Variants in LHCGR observed in about 807,000 individuals in gnomAD.
LHCGR encodes the protein luteinizing hormone/choriogonadotropin receptor.
In LHCGR, 55 loss-of-function variants were observed where a neutral mutation model predicts 60.7. The observed-to-expected ratio is 0.91, with a 90% CI of 0.73 to 1.13. The LOEUF is 1.13. LHCGR is among the 50% of genes most tolerant of loss of function. The pLI is 0.00. For missense variants in LHCGR, 862 were observed against 836.0 expected (o/e 1.03, Z -0.38); for synonymous variants, 337 against 316.5 (o/e 1.06, Z -0.69).
At chr2:48,693,011 A>T (rs1666934398) in intron 10 of LHCGR, among the ~76,000 whole-genome samples, 1 of 152,096 alleles carries the variant, frequency 6.6e-6, no homozygotes, top group Non-Finnish European at 1.5e-5. Flanking sequence ...TATATTGAGG[A>T]TGGTTTAAAG....
At chr2:48,726,804 A>G (rs937742182) in intron 3 of LHCGR, among the ~76,000 whole-genome samples, 4 of 152,186 alleles carry the variant, frequency 2.6e-5, no homozygotes, top group Admixed American at 2.0e-4. Flanking sequence ...AGGAATAAAT[A>G]TATGTGTCTG....
intron 6 of LHCGR, among the ~76,000 whole-genome samples, chr2:48,716,664 A>G (rs10495957): frequency 0.36 from 55,171 of 152,084 alleles, 11,251 homozygotes; most frequent in Non-Finnish European, 0.47. Flanking sequence ...TTGTTTCCTT[A>G]GAAGCTCAAT....
At chr2:48,713,275 C>A (rs1415922483) in intron 7 of LHCGR, among the ~76,000 whole-genome samples, 1 of 152,134 alleles carries the variant, frequency 6.6e-6, no homozygotes, top group Non-Finnish European at 1.5e-5. Flanking sequence ...TCGAACTTTT[C>A]ATGTGCTCTT....
chr2:48,720,119 A>G (rs1157245289), intron 6 of LHCGR: 2 of 151,984 alleles, frequency 1.3e-5, no homozygotes, highest in African/African-American at 4.8e-5. Flanking sequence ...ACTGGCATGC[A>G]CTCTTTTTCT....
At chr2:48,715,846 G>A (rs1186974238) in intron 6 of LHCGR, among the ~76,000 whole-genome samples, 6 of 152,098 alleles carry the variant, frequency 3.9e-5, no homozygotes, top group South Asian at 2.1e-4. Context: ...AAGTCTCCTC[G>A]TTAGAGTCAG....
chr2:48,712,863 G>A (rs1347466033), intron 7 of LHCGR, among the ~76,000 whole-genome samples: 2 of 152,096 alleles, frequency 1.3e-5, no homozygotes, highest in East Asian at 3.9e-4. Flanking sequence ...GTTAAATAGT[G>A]GGACTGGAGT....
In LHCGR at chr2:48,749,293, A is replaced by G. The variant is rs1364002397; in HGVS notation, c.161+6218T>C. On this transcript the variant is annotated intron_variant, in intron 1 of 10. Transcript: ENST00000294954. ...GAGAAGCAGCTAGAAGCTGCCCACC[A>G]AGTCAGAAAGCCCACCTGCCTGGTG... Among the ~76,000 whole-genome samples the G allele has an allele frequency of 5.3e-5, 8 of 152,322 alleles. No homozygotes were observed. In the East Asian group the frequency reaches 1.5e-3, roughly 29 times the overall value.
intron 3 of LHCGR, among the ~76,000 whole-genome samples, chr2:48,727,873 C>T (rs991086533): frequency 2.0e-5 from 3 of 152,190 alleles, no homozygotes; most frequent in Non-Finnish European, 4.4e-5. Flanking sequence ...TAATTATTCT[C>T]TTCAGGTAAT....
chr2:48,700,142 C>G (rs1461437282), intron 8 of LHCGR, among the ~76,000 whole-genome samples: 1 of 152,142 alleles, frequency 6.6e-6, no homozygotes, highest in Non-Finnish European at 1.5e-5. Context: ...ATTTAGGTAA[C>G]CAGGGTTCTC....
At chr2:48,712,774 C>T (rs1404921754) in intron 7 of LHCGR, among the ~76,000 whole-genome samples, 1 of 151,788 alleles carries the variant, frequency 6.6e-6, no homozygotes, top group Non-Finnish European at 1.5e-5. Flanking sequence ...TCAAAACAAG[C>T]CTATTATTGG....
intron 7 of LHCGR, among the ~76,000 whole-genome samples, chr2:48,711,452 T>G (rs1409504106): frequency 7.9e-5 from 12 of 152,224 alleles, no homozygotes; most frequent in Non-Finnish European, 4.4e-5. Flanking sequence ...AAATTAAGTT[T>G]GTTCTTGGCA....
Position 48,687,221 on chromosome 2 carries a change from T to A in LHCGR, c.*476A>T, listed in dbSNP as rs909226283. 1 of 159,310 alleles carries A rather than the reference T, an allele frequency of 6.3e-6. No homozygotes were observed. The highest frequency in any genetic ancestry group is 1.4e-5 in the Non-Finnish European group (1 of 72,318). The allele number at this position is 159,310 out of a possible 1,614,324, so 9.9% of individuals were successfully genotyped here. A position where few individuals can be genotyped will look rare whatever the true frequency, so the allele number is the denominator to read the frequency against. On this transcript the variant is annotated 3_prime_UTR_variant, in exon 11 of 11. Transcript: ENST00000294954. ...AACTGAGAAACTACATTTCTCATTT[T>A]ATTTAATTTTAATTTAGCCACATGT...
At chr2:48,735,125 C>T (rs1172692905) in intron 1 of LHCGR, among the ~76,000 whole-genome samples, 1 of 152,238 alleles carries the variant, frequency 6.6e-6, no homozygotes, top group Non-Finnish European at 1.5e-5. Flanking sequence ...AATTGGATTA[C>T]AAAGTCTGCG....
chr2:48,695,457 A>C (rs1201050030), intron 9 of LHCGR, among the ~76,000 whole-genome samples: 2 of 152,194 alleles, frequency 1.3e-5, no homozygotes, highest in East Asian at 3.8e-4. Flanking sequence ...TGTTGGTGGG[A>C]GTGTAAATTA....
chr2:48,701,334 G>A (rs765327397), intron 8 of LHCGR, among the ~76,000 whole-genome samples: 2 of 151,814 alleles, frequency 1.3e-5, no homozygotes, highest in African/African-American at 4.8e-5. Context: ...CACAGGCCCC[G>A]CCATGATCCA....
chr2:48,725,019 T>G (rs1212179087), intron 4 of LHCGR, among the ~76,000 whole-genome samples: 2 of 152,178 alleles, frequency 1.3e-5, no homozygotes, highest in Non-Finnish European at 2.9e-5. Flanking sequence ...TCTTTGTGAA[T>G]AGGGATGACT....
At chr2:48,733,501 C>T (rs11683688) in intron 1 of LHCGR, among the ~76,000 whole-genome samples, 22,334 of 152,082 alleles carry the variant, frequency 0.15, 2,175 homozygotes, top group East Asian at 0.32. Flanking sequence ...AATTTTGCAG[C>T]GTTGATGTTG....
chr2:48,721,540 T>C, intron 6 of LHCGR: 1 of 347,974 alleles, frequency 2.9e-6, no homozygotes, highest in South Asian at 2.4e-5. Flanking sequence ...TGGTCACAGC[T>C]TTGTAACATG....
chr2:48,708,466 A>G (rs1255747869), intron 8 of LHCGR, among the ~76,000 whole-genome samples: 2 of 152,156 alleles, frequency 1.3e-5, no homozygotes, highest in Non-Finnish European at 2.9e-5. Flanking sequence ...GAGGTAATGA[A>G]GTTAAAATGA....
Sources: allele counts gnomAD v4.1 joint callset (sites outside exome capture counted in the v4.1 genomes callset), GRCh38; gene constraint gnomAD v4.1.1; transcripts MANE v1.5; gene names NCBI Gene and HGNC (gene_info 2026-07-23, HGNC 2026-07-21).